CDHR1: variants seen among roughly 807,000 people sequenced by gnomAD.
CDHR1 encodes the protein cadherin-related family member 1.
Under a neutral mutation model 72.1 loss-of-function variants are expected in CDHR1, and 61 were observed. The ratio of observed to expected loss-of-function variants is 0.85; its 90% CI spans 0.69 to 1.05. The LOEUF (loss-of-function observed/expected upper bound fraction) is 1.05, where lower values mean the gene tolerates loss of function less well. Among genes scored for constraint, CDHR1 ranks in the 50% least tolerant of loss-of-function variants. The probability of loss-of-function intolerance (pLI) is 0.00; values close to 1 mark genes in which losing one functional copy is unlikely to be tolerated. For missense variants in CDHR1, 1,186 were observed against 1,115.7 expected (o/e 1.06, Z -0.90); for synonymous variants, 470 against 448.1 (o/e 1.05, Z -0.62).
chr10:84,197,664 A>T, intron 3 of CDHR1, 122 bp from the exon 4 acceptor site: 1 of 880,926 alleles, frequency 1.1e-6, no homozygotes. Context: ...TGCTCCAGGG[A>T]TCTATTGGCA....
In CDHR1 at chr10:84,210,763, A is replaced by G. The variant is rs1842314145; in HGVS notation, c.1321-238A>G. Among the ~76,000 whole-genome samples, 3 of 152,314 alleles carry G rather than the reference A, an allele frequency of 2.0e-5. No individual in the cohort carries two copies. The South Asian group carries it at 6.2e-4, about 32-fold the overall frequency. On this transcript the variant is annotated intron_variant, in intron 12 of 16. Coordinates refer to ENST00000623527, the MANE Select transcript of CDHR1 (RefSeq NM_033100.4). ...TATGCAGCTCAGTGGAACAAAATAA[A>G]CTGACCCCAATACAGATGGGAATGA...
At position 84,201,934 on chromosome 10, in the gene CDHR1, A is replaced by C. The variant is rs1294168114; in HGVS notation, c.639+14A>C. ...GTGGTCGCCAAGGTAACACAGCAGG[A>C]CAGGGGAGCATCCAGTGTCTCCTCA... On this transcript the variant is annotated intron_variant, in intron 7 of 16. Transcript: ENST00000623527. 3.2e-6 allele frequency: 5 copies of C among 1,581,090 alleles called. No individual in the cohort carries two copies. The African/African-American group carries it at 6.7e-5, about 21-fold the overall frequency.
rs770813253 is a variant in CDHR1, at chr10:84,215,886, T to C, written c.*1265T>C. The C allele has an allele frequency of 1.6e-4, 153 of 985,462 alleles. No individual in the cohort carries two copies. The highest frequency in any genetic ancestry group is 3.1e-4 in the Admixed American group (5 of 16,290). The allele number at this position is 985,462 out of a possible 1,614,324, so 61.0% of individuals were successfully genotyped here. ...CATCCCCGCTACCGTCCTGGCCAGC[T>C]ACCGTCAGAGAGAACCAGAGCTCCA... On this transcript the variant is annotated 3_prime_UTR_variant, in exon 17 of 17. Coordinates refer to ENST00000623527, the MANE Select transcript of CDHR1 (RefSeq NM_033100.4).
At position 84,196,636 on chromosome 10, in the gene CDHR1, G is replaced by A. The variant is rs1359238803; in HGVS notation, c.283G>A (p.Glu95Lys). ...PTFGNITLVE[E>K]LDREREDEIE... ...TTTTGGAAACATCACCCTGGTTGAA[G>A]AGCTGGACAGAGAGGTATGGGGAGG... The change falls in exon 3 of 17, where the codon GAG becomes AAG. Residue 95 changes from glutamate (E) to lysine (K), a missense_variant. By Grantham distance (56) the Glu-to-Lys change is moderately conservative. Transcript: ENST00000623527. 3 of 1,614,102 alleles carry A rather than the reference G, an allele frequency of 1.9e-6. No homozygotes were observed. The highest frequency in any genetic ancestry group is 2.2e-5 in the East Asian group (1 of 44,900).
Position 84,216,783 on chromosome 10 carries a change from A to G in CDHR1, c.*2162A>G. Reference sequence around the variant, plus strand: ...ACAGGACAAGCCCAGGCAGGGCTGCATGGAGAGGAATGGAACCTGGAGCTA... The same window carrying G: ...ACAGGACAAGCCCAGGCAGGGCTGCGTGGAGAGGAATGGAACCTGGAGCTA... On this transcript the variant is annotated 3_prime_UTR_variant, in exon 17 of 17. Coordinates refer to ENST00000623527, the MANE Select transcript of CDHR1 (RefSeq NM_033100.4). The G allele has an allele frequency of 2.0e-6, 2 of 985,510 alleles. No homozygotes were observed. Among genetic ancestry groups the G allele is most frequent in the Non-Finnish European group, 2.4e-6 (2 of 829,956 alleles). 61.0% of individuals were successfully genotyped at this position (985,510 alleles called of 1,614,324 possible).
At chr10:84,199,201 C>T in intron 5 of CDHR1, 80 bp downstream of exon 5, 2 of 1,137,890 alleles carry the variant, frequency 1.8e-6, no homozygotes, top group Non-Finnish European at 2.6e-6. Context: ...GTGGCCTGGC[C>T]ATGGCTCACT....
chr10:84,197,726 C>T, intron 3 of CDHR1, 60 bp from the exon 4 acceptor site: 1 of 1,509,474 alleles, frequency 6.6e-7, no homozygotes, highest in Non-Finnish European at 9.2e-7. Context: ...TCCATCCAGC[C>T]ACAGGGGTCC....
In CDHR1 at chr10:84,211,156, G is replaced by A. The variant is rs1243163853; in HGVS notation, c.1476G>A (p.Val492=). 1.2e-6 allele frequency: 2 copies of A among 1,614,244 alleles called. No individual in the cohort carries two copies. The highest frequency in any genetic ancestry group is 2.2e-5 in the East Asian group (1 of 44,892). Reference sequence around the variant, plus strand: ...ACGCCCCAGGGGGCTCCAGCGTGGTGGCTGTCACAGTGGGTTGGGCACTGG... The same window carrying A: ...ACGCCCCAGGGGGCTCCAGCGTGGTAGCTGTCACAGTGGGTTGGGCACTGG... ...PENAPGGSSV[V]AVTAVDPDTG... Residue 492 remains valine (V), a synonymous_variant, in exon 13 of 17, where the codon GTG becomes GTA. Coordinates refer to ENST00000623527, the MANE Select transcript of CDHR1 (RefSeq NM_033100.4).
chr10:84,195,603 G>T lies in CDHR1; in HGVS notation c.151+14G>T, dbSNP rs777828554. 1 of 1,606,086 alleles carries T rather than the reference G, an allele frequency of 6.2e-7. No individual in the cohort carries two copies. Among genetic ancestry groups the T allele is most frequent in the Admixed American group, 1.7e-5 (1 of 59,916 alleles). On this transcript the variant is annotated intron_variant, in intron 2 of 16. Transcript: ENST00000623527. ...ACACCCCTGTAGGTGAGTAGCCCTG[G>T]CACCTGCTCCCGATAGGTCTCCCTG...
At chr10:84,211,589 G>A in intron 13 of CDHR1, 59 bp from the exon 14 acceptor site, 1 of 1,458,774 alleles carries the variant, frequency 6.9e-7, no homozygotes, top group Non-Finnish European at 9.6e-7. Flanking sequence ...CAGGGCATGG[G>A]AGCTGCCAAC....
intron 5 of CDHR1, 24 bp downstream of exon 5, chr10:84,199,145 G>T: frequency 6.5e-7 from 1 of 1,543,236 alleles, no homozygotes; most frequent in Non-Finnish European, 8.8e-7. Context: ...TGCTAGAGGG[G>T]CTGATTTTCC....
chr10:84,204,089 T>G (rs1162382820), intron 8 of CDHR1, among the ~76,000 whole-genome samples: 4 of 152,214 alleles, frequency 2.6e-5, no homozygotes, highest in Non-Finnish European at 4.4e-5. Context: ...GGATAAAATC[T>G]TAATTCTGGG....
intron 12 of CDHR1, 32 bp from the exon 13 acceptor site, chr10:84,210,969 C>A: frequency 1.9e-6 from 3 of 1,613,656 alleles, no homozygotes; most frequent in Non-Finnish European, 2.5e-6. Context: ...GAGTGCCTAC[C>A]CAGACAAGTC....
chr10:84,217,546 A>T lies in CDHR1; in HGVS notation c.*2925A>T. On this transcript the variant is annotated 3_prime_UTR_variant, in exon 17 of 17. Transcript: ENST00000623527. ...ACTTTCCTCATTAACACAGGGTGCA[A>T]AGTATGGTTGCAGAGAGGATGAAAA... 1.0e-6 allele frequency: 1 copy of T among 982,410 alleles called. No individual in the cohort carries two copies. The highest frequency in any genetic ancestry group is 4.7e-5 in the South Asian group (1 of 21,216). 60.9% of individuals were successfully genotyped at this position (982,410 alleles called of 1,614,324 possible).
chr10:84,218,762 T>C (rs561851409), downstream of CDHR1: 133 of 1,010,390 alleles, frequency 1.3e-4, no homozygotes, highest in African/African-American at 2.2e-3. Context: ...AGCCCAGATA[T>C]CATGTTATTA....
At position 84,213,283 on chromosome 10, in the gene CDHR1, A is replaced by G; in HGVS notation, c.1975A>G (p.Lys659Glu). The G allele has an allele frequency of 2.5e-6, 4 of 1,614,250 alleles. No individual in the cohort carries two copies. The highest frequency in any genetic ancestry group is 3.4e-6 in the Non-Finnish European group (4 of 1,180,044). The change falls in exon 16 of 17, where the codon AAG becomes GAG. Residue 659 changes from lysine to glutamate, a missense_variant. Lys to Glu is a moderately conservative substitution (Grantham distance 56). Coordinates refer to ENST00000623527, the MANE Select transcript of CDHR1 (RefSeq NM_033100.4). ...DCLWSLEVQAKDRGSPSFSTT... is the reference protein window; with the variant it reads ...DCLWSLEVQAEDRGSPSFSTT... ...CCTATGGTCCCTAGAGGTGCAGGCC[A>G]AGGACCGGGGCTCCCCATCCTTCAG...
intron 2 of CDHR1, 87 bp from the exon 3 acceptor site, chr10:84,196,418 C>G: frequency 7.0e-7 from 1 of 1,429,582 alleles, no homozygotes; most frequent in Non-Finnish European, 9.9e-7. Context: ...ACTTTATAAA[C>G]AGCTGAATCG....
intron 9 of CDHR1, among the ~76,000 whole-genome samples, chr10:84,205,457 C>G (rs150520309): frequency 6.6e-6 from 1 of 151,798 alleles, no homozygotes; most frequent in Non-Finnish European, 1.5e-5. Flanking sequence ...TTCTTTCCCC[C>G]CTCCCCTTCC....
In CDHR1 at chr10:84,211,096, C is replaced by T. The variant is rs746827276; in HGVS notation, c.1416C>T (p.Phe472=). Reference sequence around the variant, plus strand: ...ACACCAATGACAATGTCCCCAAGTTCGACTCCCTCTACTACGTTGCCAGGA... The same window carrying T: ...ACACCAATGACAATGTCCCCAAGTTTGACTCCCTCTACTACGTTGCCAGGA... ...LLDTNDNVPK[F]DSLYYVARIP... The change falls in exon 13 of 17, where the codon TTC becomes TTT. Residue 472 remains phenylalanine, a synonymous_variant. Transcript: ENST00000623527. 46 of 1,614,108 alleles carry T rather than the reference C, an allele frequency of 2.8e-5. No individual in the cohort carries two copies. Among genetic ancestry groups the T allele is most frequent in the Non-Finnish European group, 3.8e-5 (45 of 1,180,060 alleles).
Sources: gnomAD v4.1 joint callset for allele counts (sites outside exome capture counted in the v4.1 genomes callset) on GRCh38, gnomAD v4.1.1 for gene constraint, MANE v1.5 for transcripts, NCBI Gene and HGNC (gene_info 2026-07-23, HGNC 2026-07-21) for gene names.